FOXP3: variants seen among roughly 807,000 people sequenced by gnomAD.
The protein encoded by FOXP3 is forkhead box protein P3.
FOXP3 carries 5 observed loss-of-function variants against 31.2 expected under a neutral mutation model. The ratio of observed to expected loss-of-function variants is 0.16; its 90% CI spans 0.08 to 0.34. The LOEUF is 0.34. Ranked by LOEUF, FOXP3 falls within the 10% of genes least tolerant of loss-of-function variation. FOXP3 has a pLI of 1.00. For missense variants in FOXP3, 251 were observed against 363.0 expected, an observed-to-expected ratio of 0.69 and a Z score of 2.51; for synonymous variants, 141 against 148.8, an observed-to-expected ratio of 0.95 and a Z score of 0.38.
In FOXP3 at chrX:49,251,309, C is replaced by T; in HGVS notation, c.*25G>A. On this transcript the variant is annotated 3_prime_UTR_variant, in exon 12 of 12. Transcript: ENST00000376207. ...CCCACCAGTTTGGCCCCTGTTCGTCCATCCTCCTTTCCTTGATCTTGAGGT... is the reference window on the plus strand; with the variant it reads ...CCCACCAGTTTGGCCCCTGTTCGTCTATCCTCCTTTCCTTGATCTTGAGGT... The T allele has an allele frequency of 2.5e-6, 3 of 1,203,840 alleles. No homozygotes were observed. In the South Asian group the frequency reaches 5.4e-5, roughly 22 times the overall value.
At chrX:49,253,074 C>T in intron 10 of FOXP3, 52 bp downstream of exon 10, 1 of 1,097,928 alleles carries the variant, frequency 9.1e-7, no homozygotes, top group Non-Finnish European at 1.2e-6. Context: ...GAGGCAGGTC[C>T]CCCACCCCAT....
intron 1 of FOXP3, among the ~76,000 whole-genome samples, chrX:49,263,825 G>A (rs782732787): frequency 9.0e-5 from 10 of 110,693 alleles, no homozygotes; most frequent in Non-Finnish European, 1.7e-4. Context: ...GCTAAACTAC[G>A]GTTGACAATG....
chrX:49,259,746 A>G (rs1290448460), intron 1 of FOXP3, among the ~76,000 whole-genome samples: 2 of 111,571 alleles, frequency 1.8e-5, no homozygotes, highest in Non-Finnish European at 3.8e-5. Context: ...AGCCAACCCC[A>G]TTATACAGAA....
rs1260302689 is a variant in FOXP3, at chrX:49,250,587, G to T, written c.*747C>A. 4 of 369,734 alleles carry T rather than the reference G, an allele frequency of 1.1e-5. No homozygotes were observed. Among genetic ancestry groups the T allele is most frequent in the Non-Finnish European group, 2.0e-5 (4 of 199,853 alleles). 30.5% of individuals were successfully genotyped at this position (369,734 alleles called of 1,213,427 possible). A position where few individuals can be genotyped will look rare whatever the true frequency, so the allele number is the denominator to read the frequency against. On this transcript the variant is annotated 3_prime_UTR_variant, in exon 12 of 12. Coordinates refer to ENST00000376207, the MANE Select transcript of FOXP3 (RefSeq NM_014009.4). ...GAGGTGAGTGGCAGGGGAGACACGGGGTATTTTTGGCAAGGCAGTGTGTGT... is the reference window on the plus strand; with the variant it reads ...GAGGTGAGTGGCAGGGGAGACACGGTGTATTTTTGGCAAGGCAGTGTGTGT...
rs1198497968 is a variant in FOXP3, at chrX:49,250,833, G to A, written c.*501C>T. ...GCCCTGAGGCTGGCTGTGGGTGCGT[G>A]CCTTGGGGTGTGTGGGTTGTCAGGG... On this transcript the variant is annotated 3_prime_UTR_variant, in exon 12 of 12. Transcript: ENST00000376207. 7 of 227,773 alleles carry A rather than the reference G, an allele frequency of 3.1e-5. No individual in the cohort carries two copies. Among genetic ancestry groups the A allele is most frequent in the African/African-American group, 1.5e-4 (5 of 34,394 alleles). The allele number at this position is 227,773 out of a possible 1,213,427, so 18.8% of individuals were successfully genotyped here.
rs781999579 is a variant in FOXP3 at position 49,255,440 on chromosome X, C to T, written c.805G>A (p.Ala269Thr). 8.3e-7 allele frequency: 1 copy of T among 1,204,186 alleles called. No individual in the cohort carries two copies. Among genetic ancestry groups the T allele is most frequent in the Admixed American group, 2.2e-5 (1 of 45,261 alleles). The change falls in exon 8 of 12, where the codon GCT becomes ACT. Residue 269 changes from alanine (A) to threonine (T), a missense_variant. Coordinates refer to ENST00000376207, the MANE Select transcript of FOXP3 (RefSeq NM_014009.4). Reference sequence around the variant, plus strand: ...CTGGGGTCGCTCACCACAGATGAAGCCTTGGTCAGTGCCATTTTCCCAGCC... The same window carrying T: ...CTGGGGTCGCTCACCACAGATGAAGTCTTGGTCAGTGCCATTTTCCCAGCC... ...HLAGKMALTK[A>T]SSVASSDKGS...
intron 1 of FOXP3, among the ~76,000 whole-genome samples, chrX:49,260,432 GAT>G (rs2066103115): frequency 8.9e-6 from 1 of 112,513 alleles, no homozygotes; most frequent in Non-Finnish European, 1.9e-5. Context: ...GGTGCAAATG[GAT>G]GTTTTCCACC....
In FOXP3 at chrX:49,257,650, T is replaced by C; in HGVS notation, c.315+14A>G. The C allele has an allele frequency of 8.5e-7, 1 of 1,179,385 alleles. No individual in the cohort carries two copies. The highest frequency in any genetic ancestry group is 1.1e-6 in the Non-Finnish European group (1 of 878,354). ...CCACCTGCTCCCTCCTCCCTGCCCA[T>C]TCACCGTCCATACCTGGTGCATGAA... On this transcript the variant is annotated intron_variant, in intron 3 of 11. Coordinates refer to ENST00000376207, the MANE Select transcript of FOXP3 (RefSeq NM_014009.4).
rs1358177558 is a variant in FOXP3, at chrX:49,253,799, C to T, written c.967+118G>A. 3 of 898,713 alleles carry T rather than the reference C, an allele frequency of 3.3e-6. No individual in the cohort carries two copies. In the Admixed American group the frequency reaches 7.5e-5, roughly 23 times the overall value. The allele number at this position is 898,713 out of a possible 1,213,427, so 74.1% of individuals were successfully genotyped here. ...CATTTTCCCAAAGGCTGAGTGGCGG[C>T]AGCTGCAGTGGTGGTGGTGGTGGGA... On this transcript the variant is annotated intron_variant, in intron 9 of 11. Coordinates refer to ENST00000376207, the MANE Select transcript of FOXP3 (RefSeq NM_014009.4).
At chrX:49,253,334 T>G (rs1216047167) in intron 9 of FOXP3, 132 bp from the exon 10 acceptor site, 1 of 514,309 alleles carries the variant, frequency 1.9e-6, no homozygotes, top group Non-Finnish European at 3.4e-6. Context: ...GCACAGGTAC[T>G]GTTTGCTGAG....
At position 49,258,336 on chromosome X, in the gene FOXP3, G is replaced by T; in HGVS notation, c.170C>A (p.Ser57Tyr). The T allele has an allele frequency of 8.6e-7, 1 of 1,167,270 alleles. No individual in the cohort carries two copies. The highest frequency in any genetic ancestry group is 1.1e-6 in the Non-Finnish European group (1 of 872,518). Residue 57 changes from serine to tyrosine, a missense_variant, in exon 2 of 12, where the codon TCC becomes TAC. This residue lies in a region of FOXP3 where 152 missense variants were observed against 188.1 expected (regional missense o/e 0.81). Transcript: ENST00000376207. ...GRDLRGGAHA[S>Y]SSSLNPMPPS... ...TGGCATGGGGTTCAAGGAAGAAGAG[G>T]AGGCATGGGCCCCGCCTCGAAGATC...
At position 49,253,212 on chromosome X, in the gene FOXP3, G is replaced by T; in HGVS notation, c.968-10C>A. The stretch of plus-strand genomic sequence containing the variant: ...ATGTTGTGGAGGAACTCTGTCAGAG[G>T]GTGGGGATGAATCAAGCCCCATGCA... On this transcript the variant is annotated splice_polypyrimidine_tract_variant and intron_variant, in intron 9 of 11. Transcript: ENST00000376207. 8.3e-7 allele frequency: 1 copy of T among 1,202,304 alleles called. No individual in the cohort carries two copies. Among genetic ancestry groups the T allele is most frequent in the Non-Finnish European group, 1.1e-6 (1 of 888,684 alleles).
chrX:49,263,704 A>C (rs782564304), intron 1 of FOXP3, among the ~76,000 whole-genome samples: 1 of 112,331 alleles, frequency 8.9e-6, no homozygotes, highest in African/African-American at 3.2e-5. Flanking sequence ...CTTTGTGCCA[A>C]ACGCTGTGCT....
intron 8 of FOXP3, among the ~76,000 whole-genome samples, chrX:49,254,977 C>T (rs2066059599): frequency 1.0e-5 from 1 of 98,866 alleles, no homozygotes. Flanking sequence ...GAGACGGAGT[C>T]TTGATCTGTC....
chrX:49,251,969 G>A lies in FOXP3; in HGVS notation c.1045-204C>T, dbSNP rs925289257. 4 of 709,108 alleles carry A rather than the reference G, an allele frequency of 5.6e-6. No homozygotes were observed. The African/African-American group carries it at 9.5e-5, about 17-fold the overall frequency. 58.4% of individuals were successfully genotyped at this position (709,108 alleles called of 1,213,427 possible). Reference sequence around the variant, plus strand: ...TCGGGTTGGGCAGGGTTAGATGGGTGTGGGTATGGTTGTTCTGGGATTAGG... The same window carrying A: ...TCGGGTTGGGCAGGGTTAGATGGGTATGGGTATGGTTGTTCTGGGATTAGG... On this transcript the variant is annotated intron_variant, in intron 10 of 11. Transcript: ENST00000376207.
intron 8 of FOXP3, 73 bp from the exon 9 acceptor site, chrX:49,254,140 T>G: frequency 9.0e-7 from 1 of 1,110,771 alleles, no homozygotes. Flanking sequence ...TTATGTTTTT[T>G]ATTTTTTTTG....
In FOXP3 at chrX:49,264,187, G is replaced by C. The variant is rs782482308; in HGVS notation, c.-23+474C>G. 2.1e-3 allele frequency among the ~76,000 whole-genome samples: 229 copies of C among 111,161 alleles called. 1 individual carries two copies. Among genetic ancestry groups the C allele is most frequent in the Non-Finnish European group, 3.1e-3 (163 of 52,959 alleles). On this transcript the variant is annotated intron_variant, in intron 1 of 11. Transcript: ENST00000376207. ...GCCAGGAGAGATGCGGGGAAAGAGAGTCTGAGTGTAGCGACAGACAGATGG... is the reference window on the plus strand; with the variant it reads ...GCCAGGAGAGATGCGGGGAAAGAGACTCTGAGTGTAGCGACAGACAGATGG...
chrX:49,251,186 G>T lies in FOXP3; in HGVS notation c.*148C>A. The T allele has an allele frequency of 2.7e-6, 2 of 739,120 alleles. No homozygotes were observed. Among genetic ancestry groups the T allele is most frequent in the Non-Finnish European group, 4.0e-6 (2 of 504,307 alleles). The allele number at this position is 739,120 out of a possible 1,213,427, so 60.9% of individuals were successfully genotyped here. A position where few individuals can be genotyped will look rare whatever the true frequency, so the allele number is the denominator to read the frequency against. The stretch of plus-strand genomic sequence containing the variant: ...GGGGAGGGGGTGGCTGCCAGCGGGG[G>T]AACAGGGGCCCTGGCAGGCAAGACA... On this transcript the variant is annotated 3_prime_UTR_variant, in exon 12 of 12. Coordinates refer to ENST00000376207, the MANE Select transcript of FOXP3 (RefSeq NM_014009.4).
chrX:49,256,207 TGAGAGAGAGAGAAA>T (rs2066068919), intron 6 of FOXP3, among the ~76,000 whole-genome samples: 5 of 82,791 alleles, frequency 6.0e-5, no homozygotes, highest in Admixed American at 2.8e-4. Context: ...TGTGTGTGTG[TGAGAGAGAGAGAAA>T]GAGAGAGAGA....
Sources: allele counts gnomAD v4.1 joint callset (sites outside exome capture counted in the v4.1 genomes callset), GRCh38; gene constraint gnomAD v4.1.1; regional missense constraint gnomAD v4.1.1; transcripts MANE v1.5; gene names NCBI Gene and HGNC (gene_info 2026-07-23, HGNC 2026-07-21).